Variants in MORC1 observed in about 807,000 individuals in gnomAD.
The protein encoded by MORC1 is MORC family CW-type zinc finger 1.
MORC1 carries 59 observed loss-of-function variants against 134.9 expected under a neutral mutation model. The ratio of observed to expected loss-of-function variants is 0.44; its 90% CI spans 0.35 to 0.54. The LOEUF is 0.54. MORC1 is among the 20% of genes least tolerant of loss of function. The pLI, the probability that MORC1 is intolerant of heterozygous loss-of-function variation, is 0.00. For synonymous variants in MORC1, 395 were observed against 391.7 expected (o/e 1.01, Z -0.10); for missense variants, 947 against 1,134.5 (o/e 0.83, Z 2.37).
intron 9 of MORC1, among the ~76,000 whole-genome samples, chr3:109,068,217 A>C (rs545754916): frequency 7.2e-5 from 11 of 152,110 alleles, no homozygotes; most frequent in Admixed American, 2.0e-4. Flanking sequence ...TCTTTTTTCT[A>C]TTTTTCCATA....
intron 21 of MORC1, among the ~76,000 whole-genome samples, chr3:108,994,020 T>C (rs1948133556): frequency 6.6e-6 from 1 of 152,146 alleles, no homozygotes; most frequent in Non-Finnish European, 1.5e-5. Flanking sequence ...GGATTCAGAG[T>C]GCACTGATGC....
At chr3:109,013,518 G>A (rs1413631508) in intron 17 of MORC1, among the ~76,000 whole-genome samples, 1 of 152,130 alleles carries the variant, frequency 6.6e-6, no homozygotes, top group Non-Finnish European at 1.5e-5. Context: ...GGTTCCTGTT[G>A]CCTGCTGGCT....
intron 9 of MORC1, among the ~76,000 whole-genome samples, chr3:109,063,597 C>G (rs538911172): frequency 6.6e-6 from 1 of 152,134 alleles, no homozygotes; most frequent in Non-Finnish European, 1.5e-5. Flanking sequence ...ATGATCGACA[C>G]TGGATAAACT....
chr3:109,063,913 CT>C (rs1950138317), intron 9 of MORC1, among the ~76,000 whole-genome samples: 1 of 152,066 alleles, frequency 6.6e-6, no homozygotes, highest in Non-Finnish European at 1.5e-5. Flanking sequence ...TGGAACCGGG[CT>C]TTTAAACATT....
At chr3:108,998,738 A>G (rs79955104) in intron 21 of MORC1, among the ~76,000 whole-genome samples, 1,560 of 152,336 alleles carry the variant, frequency 0.01, 27 homozygotes, top group African/African-American at 0.034. Flanking sequence ...ACAGAAATTA[A>G]TGTGCATCTC....
Position 109,047,546 on chromosome 3 carries a change from G to A in MORC1, c.1330+7182C>T, listed in dbSNP as rs190073949. Among the ~76,000 whole-genome samples the A allele has an allele frequency of 3.9e-3, 597 of 151,574 alleles. 13 individuals are homozygous for A. The East Asian group carries it at 0.04, about 10-fold the overall frequency. ...ATGTAAATGAATTAAATCTAAGAATGTGGTTTTTTTTTTCCAACAGTCAAT... is the reference window on the plus strand; with the variant it reads ...ATGTAAATGAATTAAATCTAAGAATATGGTTTTTTTTTTCCAACAGTCAAT... On this transcript the variant is annotated intron_variant, in intron 14 of 27. Coordinates refer to ENST00000232603, the MANE Select transcript of MORC1 (RefSeq NM_014429.4).
At chr3:109,028,604 T>A (rs1215127023) in intron 16 of MORC1, among the ~76,000 whole-genome samples, 1 of 152,214 alleles carries the variant, frequency 6.6e-6, no homozygotes, top group Non-Finnish European at 1.5e-5. Context: ...CATTCCTTGT[T>A]AAAATTACAA....
chr3:109,114,614 T>C (rs1471406653), intron 1 of MORC1, among the ~76,000 whole-genome samples, 177 bp from the exon 2 acceptor site: 1 of 152,208 alleles, frequency 6.6e-6, no homozygotes, highest in East Asian at 1.9e-4. Context: ...CCCTCCATTA[T>C]GAAGCGAGGG....
At chr3:109,040,582 C>A (rs1307059241) in intron 14 of MORC1, among the ~76,000 whole-genome samples, 2 of 151,772 alleles carry the variant, frequency 1.3e-5, no homozygotes, top group African/African-American at 2.4e-5. Context: ...GTAATCCCAG[C>A]ACTGTGGGAA....
At chr3:109,077,128 T>C (rs1950439083) in intron 8 of MORC1, among the ~76,000 whole-genome samples, 1 of 152,182 alleles carries the variant, frequency 6.6e-6, no homozygotes, top group Admixed American at 6.5e-5. Context: ...TAAGGGAAAC[T>C]ATTTTTGAAC....
intron 14 of MORC1, among the ~76,000 whole-genome samples, chr3:109,049,471 A>G (rs1949770568): frequency 6.6e-6 from 1 of 152,196 alleles, no homozygotes; most frequent in Non-Finnish European, 1.5e-5. Flanking sequence ...ATGAAGTCAT[A>G]GAGAAAATAC....
chr3:109,038,236 G>A (rs909726245), intron 14 of MORC1, among the ~76,000 whole-genome samples: 4 of 150,938 alleles, frequency 2.7e-5, no homozygotes, highest in Non-Finnish European at 5.9e-5. Context: ...CTGCATAAAT[G>A]TCTTCTTTTG....
chr3:109,046,637 T>C (rs1455366378), intron 14 of MORC1, among the ~76,000 whole-genome samples: 1 of 152,194 alleles, frequency 6.6e-6, no homozygotes, highest in Non-Finnish European at 1.5e-5. Context: ...TAAAGACCCA[T>C]ATTTGATTTT....
intron 20 of MORC1, among the ~76,000 whole-genome samples, chr3:109,002,722 C>A (rs900168721): frequency 1.3e-5 from 2 of 152,120 alleles, no homozygotes; most frequent in Non-Finnish European, 2.9e-5. Flanking sequence ...CTTCTATACT[C>A]GGCCAAAGCA....
chr3:109,048,895 G>A (rs567980080), intron 14 of MORC1, among the ~76,000 whole-genome samples: 1 of 152,154 alleles, frequency 6.6e-6, no homozygotes, highest in Admixed American at 6.5e-5. Context: ...GAGCTACTGG[G>A]AGCTAGGGCT....
rs1009759015 is a variant in MORC1, at chr3:108,998,575, C to T, written c.2187+1982G>A. On this transcript the variant is annotated intron_variant, in intron 21 of 27. Transcript: ENST00000232603. ...AGACACAGGGGCACATACACTCACA[C>T]GTGCACACAGACACATGCTATAATT... is the stretch of plus-strand genomic sequence containing the variant. 7.2e-5 allele frequency among the ~76,000 whole-genome samples: 11 copies of T among 152,078 alleles called. 1 individual carries two copies. The highest frequency in any genetic ancestry group is 5.2e-4 in the Admixed American group (8 of 15,268).
At position 108,959,049 on chromosome 3, in the gene MORC1, GAGA is replaced by G. The variant is rs1947010483; in HGVS notation, c.2868_2870del (p.Leu957del). The G allele has an allele frequency of 1.3e-6, 2 of 1,570,302 alleles. No individual in the cohort carries two copies. The highest frequency in any genetic ancestry group is 1.7e-6 in the Non-Finnish European group (2 of 1,158,802). Reference sequence around the variant, plus strand: ...TTACTTTATTTAAATTGTTCTGGAAGAGAAGATTATCTTCTTTAAGCAAAGCTT... The same window carrying G: ...TTACTTTATTTAAATTGTTCTGGAAGAGATTATCTTCTTTAAGCAAAGCTT... On this transcript the variant is annotated inframe_deletion, in exon 28 of 28. Transcript: ENST00000232603.
At chr3:109,004,977 G>C in intron 19 of MORC1, 89 bp from the exon 20 acceptor site, 3 of 1,572,170 alleles carry the variant, frequency 1.9e-6, no homozygotes, top group Non-Finnish European at 2.6e-6. Flanking sequence ...TATAATTAAA[G>C]TGTCTTAAAA....
chr3:109,085,600 A>G (rs1344458858), intron 8 of MORC1, among the ~76,000 whole-genome samples: 3 of 151,692 alleles, frequency 2.0e-5, no homozygotes, highest in Non-Finnish European at 4.4e-5. Context: ...ATCCAAAGAC[A>G]GGGAATAATG....
Sources: allele counts gnomAD v4.1 joint callset (sites outside exome capture counted in the v4.1 genomes callset), GRCh38; gene constraint gnomAD v4.1.1; transcripts MANE v1.5; gene names NCBI Gene and HGNC (gene_info 2026-07-23, HGNC 2026-07-21).